The following PHF21A variants were observed in gnomAD, a reference collection of about 807,000 sequenced individuals.
PHF21A encodes BHC80a.
A neutral mutation model predicts 82.5 loss-of-function variants in PHF21A; 11 were observed. That is an observed-to-expected ratio of 0.13 (90% CI 0.08 to 0.22). PHF21A has a LOEUF of 0.22. Among genes scored for constraint, PHF21A ranks in the 10% least tolerant of loss-of-function variants. The pLI, the probability that PHF21A is intolerant of heterozygous loss-of-function variation, is 1.00. For missense variants in PHF21A, 579 were observed against 837.8 expected, an observed-to-expected ratio of 0.69 and a Z score of 3.81; for synonymous variants, 297 against 302.8, an observed-to-expected ratio of 0.98 and a Z score of 0.20.
Position 45,950,946 on chromosome 11 carries a change from T to C in PHF21A, c.1096-689A>G, listed in dbSNP as rs2092024747. Reference sequence around the variant, plus strand: ...CAGCAGGTGTTTCTGCTGAATACTATGATTTTTCAATCACACATGAACCTA... The same window carrying C: ...CAGCAGGTGTTTCTGCTGAATACTACGATTTTTCAATCACACATGAACCTA... On this transcript the variant is annotated intron_variant, in intron 11 of 18. Coordinates refer to ENST00000676320, the MANE Select transcript of PHF21A (RefSeq NM_001352027.3). Among the ~76,000 whole-genome samples, 2 of 152,202 alleles carry C rather than the reference T, an allele frequency of 1.3e-5. 1 individual carries two copies. The highest frequency in any genetic ancestry group is 4.1e-4 in the South Asian group (2 of 4,836).
intron 7 of PHF21A, among the ~76,000 whole-genome samples, chr11:45,975,361 A>AT (rs2093974796): frequency 6.7e-6 from 1 of 149,828 alleles, no homozygotes; most frequent in African/African-American, 2.4e-5. Flanking sequence ...ATAAAATAAA[A>AT]TAAAATAAAA....
In PHF21A at chr11:45,969,761, T is replaced by C. The variant is rs373930757; in HGVS notation, c.702+54A>G. Reference sequence around the variant, plus strand: ...TTACAGGCTACTTAGAAAGAGCCCATGAGGATTTCTGTCCCATCTAACCTA... The same window carrying C: ...TTACAGGCTACTTAGAAAGAGCCCACGAGGATTTCTGTCCCATCTAACCTA... On this transcript the variant is annotated intron_variant, in intron 9 of 18. Transcript: ENST00000676320. 1.0e-4 allele frequency: 125 copies of C among 1,201,222 alleles called. No individual in the cohort carries two copies. In the African/African-American group the frequency reaches 1.7e-3, roughly 16 times the overall value. 74.4% of individuals were successfully genotyped at this position (1,201,222 alleles called of 1,614,324 possible).
At chr11:46,102,345 A>G (rs1431153882) in intron 1 of PHF21A, among the ~76,000 whole-genome samples, 1 of 152,262 alleles carries the variant, frequency 6.6e-6, no homozygotes, top group Non-Finnish European at 1.5e-5. Flanking sequence ...AATTATGTTA[A>G]CAATTTAAAA....
In PHF21A at chr11:45,970,191, T is replaced by C. The variant is rs2093667929; in HGVS notation, c.613-287A>G. The C allele has an allele frequency of 9.3e-6, 3 of 323,740 alleles. No individual in the cohort carries two copies. In the South Asian group the frequency reaches 1.1e-4, roughly 12 times the overall value. The allele number at this position is 323,740 out of a possible 1,614,324, so 20.1% of individuals were successfully genotyped here. ...AATTTTCTTTGACACTCAAGAACTT[T>C]TGCATTAACATATTTTAAAAGTCAA... On this transcript the variant is annotated intron_variant, in intron 8 of 18. Transcript: ENST00000676320.
chr11:46,049,887 C>T (rs1260904979), intron 6 of PHF21A, among the ~76,000 whole-genome samples: 3 of 152,132 alleles, frequency 2.0e-5, no homozygotes, highest in Non-Finnish European at 4.4e-5. Flanking sequence ...TAAAAAGCAA[C>T]AGAATCAAGA....
chr11:45,990,842 C>T (rs953700291), intron 6 of PHF21A, among the ~76,000 whole-genome samples: 1 of 152,118 alleles, frequency 6.6e-6, no homozygotes, highest in African/African-American at 2.4e-5. Flanking sequence ...ACAAGCTACA[C>T]ATAGCAGAAC....
intron 6 of PHF21A, among the ~76,000 whole-genome samples, chr11:46,047,844 T>C (rs962697364): frequency 1.3e-5 from 2 of 152,230 alleles, no homozygotes; most frequent in African/African-American, 4.8e-5. Context: ...AATGGCACAC[T>C]ATGCAAATAA....
chr11:46,002,591 T>C (rs895649832), intron 6 of PHF21A, among the ~76,000 whole-genome samples: 1 of 152,114 alleles, frequency 6.6e-6, no homozygotes, highest in Non-Finnish European at 1.5e-5. Flanking sequence ...TATTCAAACT[T>C]CATAAGGGAA....
intron 10 of PHF21A, among the ~76,000 whole-genome samples, chr11:45,965,096 C>T (rs2093353353): frequency 2.6e-5 from 4 of 152,178 alleles, no homozygotes; most frequent in Admixed American, 2.6e-4. Context: ...CACAGGAATC[C>T]CAGCCCATCT....
chr11:45,934,520 G>A (rs543258638), intron 18 of PHF21A: 15 of 339,756 alleles, frequency 4.4e-5, no homozygotes, highest in Admixed American at 2.2e-4. Flanking sequence ...CGGCAGAGCC[G>A]CCATCAGACT....
intron 6 of PHF21A, among the ~76,000 whole-genome samples, chr11:45,984,094 TA>T (rs1331871166): frequency 2.0e-5 from 3 of 152,274 alleles, no homozygotes; most frequent in African/African-American, 4.8e-5. Flanking sequence ...GAGAAAGGGC[TA>T]AATTTCACAA....
rs114940648 is a variant in PHF21A, at chr11:46,071,908, C to T, written c.153+4846G>A. Among the ~76,000 whole-genome samples, 341 of 151,908 alleles carry T rather than the reference C, an allele frequency of 2.2e-3. 1 individual carries two copies. Among genetic ancestry groups the T allele is most frequent in the African/African-American group, 7.8e-3 (325 of 41,448 alleles). ...AAAAAGCATAAAAAGCAAGACACAC[C>T]GTTCTATAAAAAAATTACAATATAA... On this transcript the variant is annotated intron_variant, in intron 6 of 18. Coordinates refer to ENST00000676320, the MANE Select transcript of PHF21A (RefSeq NM_001352027.3).
intron 6 of PHF21A, among the ~76,000 whole-genome samples, chr11:46,007,401 C>T (rs1039428937): frequency 6.6e-6 from 1 of 151,920 alleles, no homozygotes; most frequent in Non-Finnish European, 1.5e-5. Context: ...GCAACCTCCA[C>T]CTCCCAAGTT....
At chr11:46,062,248 G>A (rs1414911549) in intron 6 of PHF21A, among the ~76,000 whole-genome samples, 4 of 151,874 alleles carry the variant, frequency 2.6e-5, no homozygotes, top group Non-Finnish European at 4.4e-5. Context: ...TATGCCCTTC[G>A]GTTGTGGGAC....
chr11:45,992,552 A>C (rs2094748208), intron 6 of PHF21A, among the ~76,000 whole-genome samples: 2 of 152,226 alleles, frequency 1.3e-5, no homozygotes, highest in South Asian at 4.1e-4. Flanking sequence ...GTCTCAAAAA[A>C]GAAAATTTTT....
At chr11:46,021,273 G>A (rs1346588668) in intron 6 of PHF21A, among the ~76,000 whole-genome samples, 1 of 152,052 alleles carries the variant, frequency 6.6e-6, no homozygotes, top group Non-Finnish European at 1.5e-5. Context: ...TGTTGCCCAG[G>A]CTGGTCTTGA....
rs1289888251 is a variant in PHF21A, at chr11:46,096,286, A to AT, written c.-236-4064dup. Among the ~76,000 whole-genome samples, 4 of 141,038 alleles carry AT rather than the reference A, an allele frequency of 2.8e-5. No homozygotes were observed. In the East Asian group the frequency reaches 9.8e-4, roughly 34 times the overall value. The allele number at this position is 141,038 out of a possible 152,430, so 92.5% of individuals were successfully genotyped here. On this transcript the variant is annotated intron_variant, in intron 1 of 18. Coordinates refer to ENST00000676320, the MANE Select transcript of PHF21A (RefSeq NM_001352027.3). ...GTTCCTTCTATCTTAAAAAATAATA[A>AT]TTAAAAAAAAAAACCCTCTTGACTC... is the stretch of plus-strand genomic sequence containing the variant.
At chr11:45,998,957 G>C (rs1213762207) in intron 6 of PHF21A, among the ~76,000 whole-genome samples, 1 of 151,988 alleles carries the variant, frequency 6.6e-6, no homozygotes, top group South Asian at 2.1e-4. Flanking sequence ...CTCCCGAATA[G>C]CTGGGATTAC....
rs186399143 is a variant in PHF21A, at chr11:46,043,356, G to A, written c.153+33398C>T. On this transcript the variant is annotated intron_variant, in intron 6 of 18. Coordinates refer to ENST00000676320, the MANE Select transcript of PHF21A (RefSeq NM_001352027.3). ...AAACACCATGCATCTGAAGACACAG[G>A]TTACTTCTGTTTACCCACATCATCA... Among the ~76,000 whole-genome samples the A allele has an allele frequency of 3.5e-3, 529 of 152,194 alleles. 1 individual carries two copies. The highest frequency in any genetic ancestry group is 5.2e-3 in the Non-Finnish European group (351 of 68,008).
Sources: gnomAD v4.1 joint callset for allele counts (sites outside exome capture counted in the v4.1 genomes callset) on GRCh38, gnomAD v4.1.1 for gene constraint, MANE v1.5 for transcripts, NCBI Gene and HGNC (gene_info 2026-07-23, HGNC 2026-07-21) for gene names.